Variants in ADGRL2 observed in about 807,000 individuals in gnomAD.
The protein encoded by ADGRL2 is calcium-independent alpha-latrotoxin receptor 2.
In ADGRL2, 44 loss-of-function variants were observed where a neutral mutation model predicts 157.4. The ratio of observed to expected loss-of-function variants is 0.28; its 90% CI spans 0.22 to 0.36. The LOEUF (loss-of-function observed/expected upper bound fraction) is 0.36, where lower values mean the gene tolerates loss of function less well. ADGRL2 is among the 10% of genes least tolerant of loss of function. The pLI is 1.00. For synonymous variants in ADGRL2, 585 were observed against 624.7 expected (o/e 0.94, Z 0.95); for missense variants, 1,510 against 1,768.9 (o/e 0.85, Z 2.63).
intron 2 of ADGRL2, among the ~76,000 whole-genome samples, chr1:81,874,657 G>GTCCTA (rs2093787606): frequency 6.6e-6 from 1 of 151,078 alleles, no homozygotes; most frequent in East Asian, 1.9e-4. Flanking sequence ...GTCCTGTCCT[G>GTCCTA]TCCTGTCCTG....
intron 1 of ADGRL2, among the ~76,000 whole-genome samples, chr1:81,393,438 C>A (rs1557654956): frequency 6.6e-6 from 1 of 151,776 alleles, no homozygotes; most frequent in South Asian, 2.1e-4. Context: ...ACACCAATTA[C>A]TTCATACATG....
chr1:81,652,139 G>C (rs2082433832), intron 3 of ADGRL2, among the ~76,000 whole-genome samples: 1 of 152,026 alleles, frequency 6.6e-6, no homozygotes, highest in Non-Finnish European at 1.5e-5. Context: ...TGCTATTTGA[G>C]AATCCAATAA....
intron 2 of ADGRL2, among the ~76,000 whole-genome samples, chr1:81,475,952 C>T (rs1223989466): frequency 6.6e-6 from 1 of 152,152 alleles, no homozygotes; most frequent in Non-Finnish European, 1.5e-5. Flanking sequence ...ATTTCCATTT[C>T]TATGCCAGAA....
At chr1:81,938,853 T>C (rs949023365) in intron 4 of ADGRL2, among the ~76,000 whole-genome samples, 1 of 151,650 alleles carries the variant, frequency 6.6e-6, no homozygotes, top group Admixed American at 6.6e-5. Flanking sequence ...TTTGTTTCTT[T>C]CTACCTCTGT....
chr1:81,810,927 A>G (rs2089793118), intron 1 of ADGRL2, among the ~76,000 whole-genome samples: 1 of 151,882 alleles, frequency 6.6e-6, no homozygotes, highest in South Asian at 2.1e-4. Flanking sequence ...CTCTGTCACA[A>G]AGAAGACAAT....
chr1:81,806,619 T>TATCA (rs2089196008), intron 1 of ADGRL2, among the ~76,000 whole-genome samples: 1 of 152,078 alleles, frequency 6.6e-6, no homozygotes, highest in Admixed American at 6.5e-5. Context: ...CTTTATTTTC[T>TATCA]ATCAAAATAT....
chr1:81,374,858 C>T (rs2076222544), intron 1 of ADGRL2, among the ~76,000 whole-genome samples: 1 of 152,194 alleles, frequency 6.6e-6, no homozygotes, highest in African/African-American at 2.4e-5. Flanking sequence ...ATTTCATTGG[C>T]CCTATCCAGG....
intron 1 of ADGRL2, among the ~76,000 whole-genome samples, chr1:81,404,999 A>T (rs1383391245): frequency 2.6e-4 from 40 of 152,206 alleles, no homozygotes; most frequent in Non-Finnish European, 1.5e-5. Flanking sequence ...ATAATTTTTC[A>T]GTTATTCCTC....
chr1:81,385,565 A>G (rs2076420488), intron 1 of ADGRL2, among the ~76,000 whole-genome samples: 1 of 151,348 alleles, frequency 6.6e-6, no homozygotes, highest in Non-Finnish European at 1.5e-5. Context: ...CCTAATACAC[A>G]GGGCTAGTAA....
intron 1 of ADGRL2, among the ~76,000 whole-genome samples, chr1:81,801,962 G>C (rs2088240114): frequency 6.6e-6 from 1 of 151,554 alleles, no homozygotes; most frequent in Non-Finnish European, 1.5e-5. Flanking sequence ...GGGAAACTGC[G>C]GGAAAATGTT....
At chr1:81,950,504 G>A (rs371878835) in intron 7 of ADGRL2, 22 bp downstream of exon 7, 5 of 1,586,254 alleles carry the variant, frequency 3.2e-6, no homozygotes, top group African/African-American at 1.4e-5. Context: ...AAACTACCAT[G>A]CATACATTTT....
intron 1 of ADGRL2, among the ~76,000 whole-genome samples, chr1:81,419,671 C>G (rs761603748): frequency 2.6e-5 from 4 of 152,120 alleles, no homozygotes; most frequent in Non-Finnish European, 5.9e-5. Context: ...GAGGTAAATA[C>G]GCATGCTTTT....
At chr1:81,834,746 T>G (rs2092175884) in intron 1 of ADGRL2, among the ~76,000 whole-genome samples, 1 of 152,158 alleles carries the variant, frequency 6.6e-6, no homozygotes, top group African/African-American at 2.4e-5. Flanking sequence ...TTAAGCTTTA[T>G]TTTTGTAAAA....
intron 18 of ADGRL2, among the ~76,000 whole-genome samples, 178 bp downstream of exon 18, chr1:81,980,138 A>G (rs1041809006): frequency 5.9e-5 from 9 of 151,722 alleles, no homozygotes; most frequent in African/African-American, 2.2e-4. Flanking sequence ...AAAATTAGAT[A>G]ATAATTGCTG....
chr1:81,524,223 G>A (rs932099367), intron 2 of ADGRL2, among the ~76,000 whole-genome samples: 5 of 151,910 alleles, frequency 3.3e-5, no homozygotes, highest in Admixed American at 6.6e-5. Context: ...AAAATTAGCC[G>A]GATGTGGTGA....
chr1:81,970,338 C>T lies in ADGRL2; in HGVS notation c.2758C>T (p.Leu920Phe), dbSNP rs1658358280. The change falls in exon 16 of 24, where the codon CTT becomes TTT. Residue 920 changes from leucine (L) to phenylalanine (F), a missense_variant. Physicochemically the swap from Leu to Phe is conservative, Grantham distance 22 (BLOSUM62 0). Coordinates refer to ENST00000686636, the MANE Select transcript of ADGRL2 (RefSeq NM_001366006.2). The part of the protein sequence containing the change: ...YAIACPIFAG[L>F]LHFFFLAAFA... ...GATTGCATGCCCAATATTTGCAGGA[C>T]TTCTACACTTTTTCTTTTTGGCAGC... 6.2e-7 allele frequency: 1 copy of T among 1,603,876 alleles called. No homozygotes were observed. Among genetic ancestry groups the T allele is most frequent in the Admixed American group, 1.7e-5 (1 of 57,606 alleles).
chr1:81,314,885 G>C (rs1202806291), intron 1 of ADGRL2, among the ~76,000 whole-genome samples: 1 of 152,112 alleles, frequency 6.6e-6, no homozygotes, highest in East Asian at 1.9e-4. Context: ...GCCATAAAAT[G>C]CTGAGTAAAA....
chr1:81,945,411 GAAAA>G (rs1353325242), intron 6 of ADGRL2, among the ~76,000 whole-genome samples: 1 of 150,318 alleles, frequency 6.7e-6, no homozygotes, highest in Admixed American at 6.6e-5. Context: ...GTCATCCTCA[GAAAA>G]AAAAGAAAGA....
intron 2 of ADGRL2, among the ~76,000 whole-genome samples, chr1:81,770,802 C>T (rs2086337487): frequency 6.6e-6 from 1 of 152,008 alleles, no homozygotes; most frequent in Admixed American, 6.6e-5. Flanking sequence ...GGATTTATTC[C>T]CCCATAAATT....
Sources: gnomAD v4.1 joint callset for allele counts (sites outside exome capture counted in the v4.1 genomes callset) on GRCh38, gnomAD v4.1.1 for gene constraint, MANE v1.5 for transcripts, NCBI Gene and HGNC (gene_info 2026-07-23, HGNC 2026-07-21) for gene names.